The following DOCK10 variants were observed in gnomAD, a reference collection of about 807,000 sequenced individuals.
The protein encoded by DOCK10 is dedicator of cytokinesis protein 10.
A neutral mutation model predicts 280.1 loss-of-function variants in DOCK10; 145 were observed. The ratio of observed to expected loss-of-function variants is 0.52; its 90% CI spans 0.45 to 0.59. DOCK10 has a LOEUF of 0.59. Among genes scored for constraint, DOCK10 ranks in the 20% least tolerant of loss-of-function variants. The pLI is 0.00. For synonymous variants in DOCK10, 915 were observed against 942.2 expected (o/e 0.97, Z 0.53); for missense variants, 2,368 against 2,651.7 (o/e 0.89, Z 2.35).
rs1228409517 is a variant in DOCK10, at chr2:224,845,190, C to T, written c.2481+13G>A. The T allele has an allele frequency of 1.3e-6, 2 of 1,561,786 alleles. No homozygotes were observed. Among genetic ancestry groups the T allele is most frequent in the South Asian group, 1.2e-5 (1 of 84,252 alleles). ...TGCTTTTTTAAAATCTTAAATTACA[C>T]ATTATTCAATACCTTTCCACTTGCA... On this transcript the variant is annotated intron_variant, in intron 21 of 55. Coordinates refer to ENST00000258390, the MANE Select transcript of DOCK10 (RefSeq NM_014689.3).
chr2:224,951,743 A>C (rs1473224220), intron 1 of DOCK10, among the ~76,000 whole-genome samples: 5 of 152,112 alleles, frequency 3.3e-5, no homozygotes, highest in Admixed American at 3.3e-4. Context: ...ACTTAAACCT[A>C]AGTGTCAACA....
In DOCK10 at chr2:224,962,357, T is replaced by G. The variant is rs182840579; in HGVS notation, c.124-30689A>C. On this transcript the variant is annotated intron_variant, in intron 1 of 55. Transcript: ENST00000258390. ...GCATGAACAAATTTTCATGGTTGTA[T>G]AGTAAGCACTAAATAAGCACTGTAG... Among the ~76,000 whole-genome samples the G allele has an allele frequency of 1.9e-3, 285 of 152,332 alleles. 1 individual carries two copies. Among genetic ancestry groups the G allele is most frequent in the Non-Finnish European group, 3.4e-3 (233 of 68,026 alleles).
At chr2:224,827,520 T>C (rs1694948163) in intron 27 of DOCK10, among the ~76,000 whole-genome samples, 1 of 152,108 alleles carries the variant, frequency 6.6e-6, no homozygotes, top group Non-Finnish European at 1.5e-5. Flanking sequence ...TACAAGCAGA[T>C]GCATACTGGT....
intron 40 of DOCK10, among the ~76,000 whole-genome samples, 191 bp downstream of exon 40, chr2:224,801,725 T>A (rs2125180043): frequency 6.6e-6 from 1 of 152,280 alleles, no homozygotes; most frequent in Admixed American, 6.5e-5. Context: ...TTGAGGGTTT[T>A]GCCTCTCCCC....
chr2:224,872,219 G>A (rs1698333864), intron 11 of DOCK10, among the ~76,000 whole-genome samples: 1 of 152,180 alleles, frequency 6.6e-6, no homozygotes, highest in African/African-American at 2.4e-5. Flanking sequence ...CTTGCATGCA[G>A]TTTTGATAAA....
chr2:224,899,206 GT>G (rs1441756338), intron 3 of DOCK10, among the ~76,000 whole-genome samples: 1 of 152,020 alleles, frequency 6.6e-6, no homozygotes, highest in Non-Finnish European at 1.5e-5. Flanking sequence ...TATGAATATT[GT>G]TTTTTATTTA....
chr2:224,862,586 C>G, intron 14 of DOCK10, 78 bp downstream of exon 14: 1 of 1,209,880 alleles, frequency 8.3e-7, no homozygotes. Flanking sequence ...ATAGGCAACA[C>G]AAAAACGTTC....
intron 1 of DOCK10, among the ~76,000 whole-genome samples, chr2:225,039,573 T>C (rs557641407): frequency 6.6e-6 from 1 of 152,314 alleles, no homozygotes; most frequent in East Asian, 1.9e-4. Flanking sequence ...GGCATACACC[T>C]GTATTGTCCT....
chr2:224,966,659 A>G (rs1282112519), intron 1 of DOCK10, among the ~76,000 whole-genome samples: 1 of 152,232 alleles, frequency 6.6e-6, no homozygotes, highest in Non-Finnish European at 1.5e-5. Flanking sequence ...GTTATCACAC[A>G]GCATCCCTGA....
chr2:224,846,663 A>T (rs559152397), intron 19 of DOCK10, among the ~76,000 whole-genome samples: 1 of 151,992 alleles, frequency 6.6e-6, no homozygotes, highest in East Asian at 1.9e-4. Flanking sequence ...CACCTAGATA[A>T]TTTTTGTATT....
rs1431204154 is a variant in DOCK10 at position 224,804,223 on chromosome 2, A to AT, written c.4167-11_4167-10insA. 4.4e-6 allele frequency: 7 copies of AT among 1,573,944 alleles called. No individual in the cohort carries two copies. In the African/African-American group the frequency reaches 9.5e-5, roughly 21 times the overall value. ...TGCAGCAGCAATTTTTCTGCAATGA[A>AT]AATGGAAGTTTTAATCATAGCTCAG... is the stretch of plus-strand genomic sequence containing the variant. On this transcript the variant is annotated splice_polypyrimidine_tract_variant and intron_variant, in intron 38 of 55. Transcript: ENST00000258390.
chr2:225,034,526 T>C (rs571047008), intron 1 of DOCK10, among the ~76,000 whole-genome samples: 2 of 152,328 alleles, frequency 1.3e-5, no homozygotes, highest in East Asian at 1.9e-4. Context: ...TATCAGATGC[T>C]AACAACCTGG....
At chr2:224,813,985 G>T (rs775767688) in intron 31 of DOCK10, among the ~76,000 whole-genome samples, 2 of 152,132 alleles carry the variant, frequency 1.3e-5, no homozygotes, top group Non-Finnish European at 2.9e-5. Context: ...TTTAGCAAAA[G>T]ACATACATCA....
intron 1 of DOCK10, among the ~76,000 whole-genome samples, chr2:224,933,896 C>T (rs1702538997): frequency 6.6e-6 from 1 of 152,042 alleles, no homozygotes; most frequent in Admixed American, 6.5e-5. Context: ...CCATTAGTCC[C>T]CAAATCCAGC....
chr2:224,807,799 A>G lies in DOCK10; in HGVS notation c.3586-15T>C. 6.4e-7 allele frequency: 1 copy of G among 1,562,444 alleles called. No individual in the cohort carries two copies. The highest frequency in any genetic ancestry group is 8.7e-7 in the Non-Finnish European group (1 of 1,151,888). On this transcript the variant is annotated splice_polypyrimidine_tract_variant and intron_variant, in intron 32 of 55. Coordinates refer to ENST00000258390, the MANE Select transcript of DOCK10 (RefSeq NM_014689.3). ...GCCTGCTTTCTCTAGGAGAAAAGGTAGCCAAAAGAAATGATTCATGTAAAA... is the reference window on the plus strand; with the variant it reads ...GCCTGCTTTCTCTAGGAGAAAAGGTGGCCAAAAGAAATGATTCATGTAAAA...
At chr2:224,958,300 A>G (rs1198351320) in intron 1 of DOCK10, among the ~76,000 whole-genome samples, 1 of 152,208 alleles carries the variant, frequency 6.6e-6, no homozygotes, top group African/African-American at 2.4e-5. Context: ...CTAGCTGCTC[A>G]TGCATTGAGC....
chr2:224,843,062 C>T (rs889082329), intron 22 of DOCK10, among the ~76,000 whole-genome samples: 4 of 151,636 alleles, frequency 2.6e-5, no homozygotes, highest in Admixed American at 2.6e-4. Context: ...GTAATAGCCA[C>T]GGTGCGGGTG....
chr2:224,907,502 A>G (rs551824699), intron 3 of DOCK10, among the ~76,000 whole-genome samples: 1 of 152,140 alleles, frequency 6.6e-6, no homozygotes, highest in Non-Finnish European at 1.5e-5. Context: ...CCTGGCTAAC[A>G]TGGTGAAACC....
At position 225,042,458 on chromosome 2, in the gene DOCK10, G is replaced by A; in HGVS notation, c.-84C>T. 4.9e-6 allele frequency: 6 copies of A among 1,216,820 alleles called. No homozygotes were observed. The highest frequency in any genetic ancestry group is 1.0e-6 in the Non-Finnish European group (1 of 975,910). 75.4% of individuals were successfully genotyped at this position (1,216,820 alleles called of 1,614,324 possible). A position where few individuals can be genotyped will look rare whatever the true frequency, so the allele number is the denominator to read the frequency against. On this transcript the variant is annotated 5_prime_UTR_variant, in exon 1 of 56. It adds an upstream start codon to the 5' untranslated region. Transcript: ENST00000258390. This position sits in a 1 kb window ranked among gnomAD's most constrained non-coding sequence, Gnocchi z 5.1. ...CGCCAACCTTCTCTATCCACCCGCC[G>A]TTCAGGAAGCGGAACTCGGAGCCTT...
Sources: gnomAD v4.1 joint callset for allele counts (sites outside exome capture counted in the v4.1 genomes callset) on GRCh38, gnomAD v4.1.1 for gene constraint, Gnocchi (gnomAD v3.1) non-coding constraint, MANE v1.5 for transcripts, NCBI Gene and HGNC (gene_info 2026-07-23, HGNC 2026-07-21) for gene names.